Variants in MYO1C observed in about 807,000 individuals in gnomAD.
MYO1C encodes unconventional myosin-Ic.
In MYO1C, 104 loss-of-function variants were observed where a neutral mutation model predicts 150.8. That is an observed-to-expected ratio of 0.69 (90% CI 0.59 to 0.81). MYO1C has a LOEUF of 0.81. MYO1C is among the 30% of genes least tolerant of loss of function. MYO1C has a pLI of 0.00. For synonymous variants in MYO1C, 663 were observed against 579.9 expected (o/e 1.14, Z -2.06); for missense variants, 1,504 against 1,435.0 (o/e 1.05, Z -0.78).
intron 1 of MYO1C, chr17:1,485,804 C>CCCCCCGCACCG: frequency 1.4e-6 from 1 of 721,896 alleles, no homozygotes; most frequent in Non-Finnish European, 1.7e-6. Flanking sequence ...GGAGGGCCCG[C>CCCCCCGCACCG]CCCCCGCACC....
chr17:1,465,459 C>G lies in MYO1C; in HGVS notation c.*267G>C, dbSNP rs935350678. 1 of 378,240 alleles carries G rather than the reference C, an allele frequency of 2.6e-6. No homozygotes were observed. The highest frequency in any genetic ancestry group is 4.6e-5 in the Admixed American group (1 of 21,918). The allele number at this position is 378,240 out of a possible 1,614,324, so 23.4% of individuals were successfully genotyped here. On this transcript the variant is annotated 3_prime_UTR_variant, in exon 32 of 32. Coordinates refer to ENST00000648651, the MANE Select transcript of MYO1C (RefSeq NM_001080779.2). ...AACCTCAGCAAAAGTTCCCTTCTCT[C>G]AAATATTTGGCATCGGCAGTAGGGC...
In MYO1C at chr17:1,470,159, G is replaced by A. The variant is rs1486266168; in HGVS notation, c.2526+16C>T. ...TACTATGATGGTCCCTAACTTGGCA[G>A]GGGGTGCCCACAGACCTCACGCAGG... On this transcript the variant is annotated intron_variant, in intron 24 of 31. Transcript: ENST00000648651. The A allele has an allele frequency of 1.2e-6, 2 of 1,602,488 alleles. No individual in the cohort carries two copies. The highest frequency in any genetic ancestry group is 1.7e-6 in the Non-Finnish European group (2 of 1,174,810).
At position 1,478,862 on chromosome 17, in the gene MYO1C, T is replaced by C. The variant is rs1014145221; in HGVS notation, c.1093-127A>G. The C allele has an allele frequency of 6.9e-7, 1 of 1,451,890 alleles. No homozygotes were observed. Among genetic ancestry groups the C allele is most frequent in the Non-Finnish European group, 9.4e-7 (1 of 1,065,986 alleles). 89.9% of individuals were successfully genotyped at this position (1,451,890 alleles called of 1,614,324 possible). On this transcript the variant is annotated intron_variant, in intron 9 of 31. Transcript: ENST00000648651. The surrounding 1 kb of genome is among the most constrained non-coding windows in gnomAD (Gnocchi z 6.3). ...TCCCAGCTCCAGCAAGCCTGCAGTATGGGGAGGGGTGCTGGTAGTGGGACC... is the reference window on the plus strand; with the variant it reads ...TCCCAGCTCCAGCAAGCCTGCAGTACGGGGAGGGGTGCTGGTAGTGGGACC...
Position 1,474,704 on chromosome 17 carries a change from G to T in MYO1C, c.1717-14C>A. 6.2e-7 allele frequency: 1 copy of T among 1,613,972 alleles called. No homozygotes were observed. Among genetic ancestry groups the T allele is most frequent in the South Asian group, 1.1e-5 (1 of 91,082 alleles). On this transcript the variant is annotated splice_polypyrimidine_tract_variant and intron_variant, in intron 16 of 31. Transcript: ENST00000648651. ...GCTACACATGGTCTGTGTGGGCAGA[G>T]CCGGGGTCAGGGTGGGGCACAGGGA...
chr17:1,468,882 C>T (rs1428881021), intron 25 of MYO1C: 4 of 348,758 alleles, frequency 1.1e-5, no homozygotes, highest in South Asian at 5.4e-5. Context: ...GGCAAAAACA[C>T]GGCACATCAA....
chr17:1,480,518 A>G lies in MYO1C; in HGVS notation c.906+9T>C. 1 of 1,605,344 alleles carries G rather than the reference A, an allele frequency of 6.2e-7. No homozygotes were observed. On this transcript the variant is annotated intron_variant, in intron 7 of 31. Transcript: ENST00000648651. ...AGGAGGAAAGCGAGGGTCCCGGAAG[A>G]GGCCTCACCTCCACTTCATCCTCGG...
At chr17:1,484,112 C>T (rs1468514572) in intron 2 of MYO1C, 36 bp downstream of exon 2, 5 of 1,610,712 alleles carry the variant, frequency 3.1e-6, no homozygotes, top group Non-Finnish European at 3.4e-6. Flanking sequence ...TGTCTGTGAC[C>T]CCAGCACCCC....
chr17:1,483,488 G>C, intron 3 of MYO1C, 122 bp downstream of exon 3: 1 of 731,666 alleles, frequency 1.4e-6, no homozygotes, highest in Non-Finnish European at 2.3e-6. Context: ...GCAAGAGACT[G>C]TGGGATTCCT....
chr17:1,487,076 C>T (rs2074669908), intron 1 of MYO1C: 1 of 152,454 alleles, frequency 6.6e-6, no homozygotes, highest in Non-Finnish European at 1.5e-5. Context: ...GTTCTTCATC[C>T]CTAACATGAG....
In MYO1C at chr17:1,470,341, TG is replaced by T; in HGVS notation, c.2367-8del. ...GACGAAGCCTCGGATGAGCCTGGGG[TG>T]GGGGGCCAGACAGGGTTGGGGGTGA... On this transcript the variant is annotated splice_region_variant and splice_polypyrimidine_tract_variant and intron_variant, in intron 23 of 31. Transcript: ENST00000648651. 3 of 905,168 alleles carry T rather than the reference TG, an allele frequency of 3.3e-6. No individual in the cohort carries two copies. Among genetic ancestry groups the T allele is most frequent in the African/African-American group, 3.4e-5 (1 of 29,378 alleles). 56.1% of individuals were successfully genotyped at this position (905,168 alleles called of 1,614,324 possible).
chr17:1,476,397 T>G (rs2150948377), intron 14 of MYO1C, among the ~76,000 whole-genome samples: 1 of 152,340 alleles, frequency 6.6e-6, no homozygotes, highest in East Asian at 1.9e-4. Flanking sequence ...GGTCTTGAAT[T>G]CCTGACCTCA....
chr17:1,472,539 G>C (rs945649141), intron 17 of MYO1C, among the ~76,000 whole-genome samples: 1 of 152,196 alleles, frequency 6.6e-6, no homozygotes, highest in Admixed American at 6.5e-5. Flanking sequence ...GAACTTCAGG[G>C]CTGCGTTCCT....
At chr17:1,469,122 T>G in intron 25 of MYO1C, 1 of 318,340 alleles carries the variant, frequency 3.1e-6, no homozygotes, top group Non-Finnish European at 6.2e-6. Flanking sequence ...TAGACTAGGG[T>G]AAATAGAGCA....
chr17:1,467,666 A>G, intron 29 of MYO1C, 89 bp from the exon 30 acceptor site: 1 of 754,024 alleles, frequency 1.3e-6, no homozygotes, highest in East Asian at 6.2e-5. Context: ...CTGACCCCCA[A>G]ATCCACCCCC....
intron 31 of MYO1C, 75 bp downstream of exon 31, chr17:1,467,167 G>A: frequency 2.1e-6 from 3 of 1,412,802 alleles, no homozygotes; most frequent in Non-Finnish European, 2.9e-6. Flanking sequence ...GAGGTGCCTG[G>A]GCTCTGCCAA....
In MYO1C at chr17:1,484,016, T is replaced by G. The variant is rs1328611509; in HGVS notation, c.231+132A>C. The G allele has an allele frequency of 1.1e-5, 13 of 1,201,932 alleles. No individual in the cohort carries two copies. In the East Asian group the frequency reaches 2.8e-4, roughly 26 times the overall value. 74.5% of individuals were successfully genotyped at this position (1,201,932 alleles called of 1,614,324 possible). A position where few individuals can be genotyped will look rare whatever the true frequency, so the allele number is the denominator to read the frequency against. On this transcript the variant is annotated intron_variant, in intron 2 of 31. Coordinates refer to ENST00000648651, the MANE Select transcript of MYO1C (RefSeq NM_001080779.2). ...GAGATCGCGCCACTGCACTCCAGCC[T>G]GGGCAACAAGAGTGAAACTGTCTCA...
intron 1 of MYO1C, chr17:1,490,894 G>A (rs2074722189): frequency 6.6e-6 from 1 of 152,306 alleles, no homozygotes; most frequent in African/African-American, 2.4e-5. Flanking sequence ...CTGCACCTGC[G>A]GCTTCCCCAG....
At chr17:1,470,787 G>T in intron 21 of MYO1C, 98 bp from the exon 22 acceptor site, 1 of 1,306,790 alleles carries the variant, frequency 7.7e-7, no homozygotes, top group Non-Finnish European at 1.1e-6. Context: ...TGGGAGAGTG[G>T]CTGAAGGAAC....
rs1427312005 is a variant in MYO1C at position 1,480,897 on chromosome 17, GCAGGGC to G, written c.628-18_628-13del. On this transcript the variant is annotated splice_polypyrimidine_tract_variant and intron_variant, in intron 5 of 31. Transcript: ENST00000648651. ...CCCACGGGGGCACCCTGTGGGCAGG[GCAGGGC>G]ATGAGGCCGGGTCACGGGGACTGGG... 4 of 1,613,284 alleles carry G rather than the reference GCAGGGC, an allele frequency of 2.5e-6. No individual in the cohort carries two copies. The Admixed American group carries it at 5.0e-5, about 20-fold the overall frequency.
Sources: allele counts gnomAD v4.1 joint callset (sites outside exome capture counted in the v4.1 genomes callset), GRCh38; gene constraint gnomAD v4.1.1; non-coding constraint Gnocchi (gnomAD v3.1); transcripts MANE v1.5; gene names NCBI Gene and HGNC (gene_info 2026-07-23, HGNC 2026-07-21).